Variants in PDE8B observed in about 807,000 individuals in gnomAD.
PDE8B encodes high affinity cAMP-specific and IBMX-insensitive 3',5'-cyclic phosphodiesterase 8B.
PDE8B carries 26 observed loss-of-function variants against 101.3 expected under a neutral mutation model. The observed-to-expected ratio is 0.26, with a 90% CI of 0.19 to 0.36. The LOEUF is 0.36. PDE8B is among the 10% of genes least tolerant of loss of function. PDE8B has a pLI of 1.00. For synonymous variants in PDE8B, 424 were observed against 429.3 expected, an observed-to-expected ratio of 0.99 and a Z score of 0.15; for missense variants, 810 against 1,163.1, an observed-to-expected ratio of 0.70 and a Z score of 4.42.
the PDE8B span, chr5:77,089,377 C>G: frequency 6.4e-6 from 1 of 157,078 alleles, no homozygotes; most frequent in African/African-American, 2.4e-5. Flanking sequence ...AAAACAAACT[C>G]AGGGCTCCCA....
chr5:77,140,241 A>AT, the PDE8B span: 4 of 151,932 alleles, frequency 2.6e-5, no homozygotes, highest in Non-Finnish European at 5.9e-5. Flanking sequence ...ATTTATTTTT[A>AT]TTTTTTTAAA....
chr5:77,095,707 C>T, the PDE8B span, among the ~76,000 whole-genome samples: 1 of 152,176 alleles, frequency 6.6e-6, no homozygotes, highest in African/African-American at 2.4e-5. Flanking sequence ...CTCATCCCTT[C>T]TTACACTTAT....
chr5:77,214,817 G>T (rs991510555), intron 1 of PDE8B, among the ~76,000 whole-genome samples: 1 of 152,178 alleles, frequency 6.6e-6, no homozygotes, highest in African/African-American at 2.4e-5. Flanking sequence ...TTCTGATTTA[G>T]TAGGTCTTGG....
Position 77,325,597 on chromosome 5 carries a change from A to G in PDE8B, c.458A>G (p.Asp153Gly). Residue 153 changes from aspartate (D) to glycine (G), a missense_variant, in exon 3 of 22, where the codon GAC becomes GGC. Asp to Gly is a moderately conservative substitution (Grantham distance 94, BLOSUM62 -1). Coordinates refer to ENST00000264917, the MANE Select transcript of PDE8B (RefSeq NM_003719.5). ...AGCGATGGCTTCTGGTGGGCCTGCG[A>G]CAGAGCTGGTTATAGATGCAATATT... ...SQSDGFWWAC[D>G]RAGYRCNIAR... 1 of 1,614,110 alleles carries G rather than the reference A, an allele frequency of 6.2e-7. No homozygotes were observed. The highest frequency in any genetic ancestry group is 8.5e-7 in the Non-Finnish European group (1 of 1,179,948).
the PDE8B span, among the ~76,000 whole-genome samples, chr5:77,109,344 G>A: frequency 6.6e-6 from 1 of 152,226 alleles, no homozygotes; most frequent in East Asian, 1.9e-4. Flanking sequence ...GAACAAAGAA[G>A]AGGCTCTGGA....
intron 1 of PDE8B, among the ~76,000 whole-genome samples, chr5:77,263,276 G>A (rs1761006891): frequency 6.6e-6 from 1 of 152,206 alleles, no homozygotes; most frequent in African/African-American, 2.4e-5. Context: ...TAAGATCAAT[G>A]CGAACTTTTA....
chr5:77,155,092 G>T, the PDE8B span, among the ~76,000 whole-genome samples: 1 of 152,116 alleles, frequency 6.6e-6, no homozygotes, highest in East Asian at 1.9e-4. Context: ...GGCCAGATGG[G>T]CCTGTTTTCA....
At chr5:77,377,078 C>T (rs539714349) in intron 10 of PDE8B, among the ~76,000 whole-genome samples, 10 of 152,282 alleles carry the variant, frequency 6.6e-5, no homozygotes, top group Admixed American at 1.3e-4. Context: ...CAAGGGGACA[C>T]GGGCTGGAGG....
At chr5:77,338,028 C>G (rs889940626) in intron 6 of PDE8B, among the ~76,000 whole-genome samples, 3 of 152,142 alleles carry the variant, frequency 2.0e-5, no homozygotes, top group Non-Finnish European at 4.4e-5. Context: ...TCTTCTCAGC[C>G]AGAGAGCAGG....
chr5:77,276,973 A>C lies in PDE8B; in HGVS notation c.340-35021A>C, dbSNP rs550399459. ...AACAATGGCCCCTTCCTGCCTCTAG[A>C]CACAGGGGTGCTGGTCACTGATCTC... On this transcript the variant is annotated intron_variant, in intron 1 of 21. Coordinates refer to ENST00000264917, the MANE Select transcript of PDE8B (RefSeq NM_003719.5). Among the ~76,000 whole-genome samples the C allele has an allele frequency of 3.9e-5, 6 of 152,024 alleles. No homozygotes were observed. The South Asian group carries it at 6.3e-4, about 16-fold the overall frequency.
At chr5:77,157,316 A>G in the PDE8B span, among the ~76,000 whole-genome samples, 1 of 152,230 alleles carries the variant, frequency 6.6e-6, no homozygotes, top group Non-Finnish European at 1.5e-5. Context: ...AGACACAGGA[A>G]GACTGTGTCT....
At chr5:77,158,500 T>A in the PDE8B span, among the ~76,000 whole-genome samples, 1 of 152,132 alleles carries the variant, frequency 6.6e-6, no homozygotes, top group East Asian at 1.9e-4. Flanking sequence ...GGGAGGTCAC[T>A]AGCAGGCCAG....
the PDE8B span, among the ~76,000 whole-genome samples, chr5:77,200,613 G>T: frequency 8.5e-3 from 1,290 of 151,916 alleles, 12 homozygotes; most frequent in Middle Eastern, 0.034. Context: ...TTTTTGTTTT[G>T]CAATATCTTA....
intron 2 of PDE8B, 92 bp from the exon 3 acceptor site, chr5:77,325,447 G>A: frequency 1.8e-6 from 2 of 1,135,864 alleles, no homozygotes; most frequent in South Asian, 2.5e-5. Context: ...GGGATTACAG[G>A]CATGAGCCAC....
intron 1 of PDE8B, among the ~76,000 whole-genome samples, chr5:77,311,168 C>A (rs1384916958): frequency 6.6e-6 from 1 of 152,116 alleles, no homozygotes; most frequent in East Asian, 1.9e-4. Flanking sequence ...AAAATTGGAT[C>A]CATGGAGGTG....
the PDE8B span, chr5:77,152,293 C>T: frequency 6.6e-6 from 1 of 152,214 alleles, no homozygotes; most frequent in Non-Finnish European, 1.5e-5. Context: ...TTCTAGGTAT[C>T]TAAAAATGCT....
intron 1 of PDE8B, among the ~76,000 whole-genome samples, chr5:77,299,423 T>TC (rs1244115897): frequency 1.9e-5 from 1 of 51,850 alleles, no homozygotes; most frequent in South Asian, 8.5e-4. Flanking sequence ...CCCTCCCCCC[T>TC]CCCCCCACCC....
At chr5:77,326,702 C>G (rs1243187724) in intron 3 of PDE8B, among the ~76,000 whole-genome samples, 1 of 151,932 alleles carries the variant, frequency 6.6e-6, no homozygotes, top group African/African-American at 2.4e-5. Context: ...CATAAAATAT[C>G]TGGATGCTAT....
intron 1 of PDE8B, among the ~76,000 whole-genome samples, chr5:77,279,249 T>A (rs1035315455): frequency 1.6e-4 from 25 of 152,354 alleles, no homozygotes; most frequent in African/African-American, 6.0e-4. Flanking sequence ...ACAGGATAGT[T>A]TTTTTATTAC....
Sources: allele counts gnomAD v4.1 joint callset (sites outside exome capture counted in the v4.1 genomes callset), GRCh38; gene constraint gnomAD v4.1.1; transcripts MANE v1.5; gene names NCBI Gene and HGNC (gene_info 2026-07-23, HGNC 2026-07-21).